ST3GAL3: variants seen among roughly 807,000 people sequenced by gnomAD.
The protein encoded by ST3GAL3 is CMP-N-acetylneuraminate-beta-1,4-galactoside alpha-2,3-sialyltransferase.
In ST3GAL3, 21 loss-of-function variants were observed where a neutral mutation model predicts 50.1. The observed-to-expected ratio is 0.42, with a 90% CI of 0.30 to 0.60. The LOEUF (loss-of-function observed/expected upper bound fraction) is 0.60. Ranked by LOEUF, ST3GAL3 falls within the 20% of genes least tolerant of loss-of-function variation. The pLI is 0.19. For missense variants in ST3GAL3, 353 were observed against 489.4 expected (o/e 0.72, Z 2.63); for synonymous variants, 183 against 190.0 (o/e 0.96, Z 0.30).
intron 3 of ST3GAL3, among the ~76,000 whole-genome samples, chr1:43,804,224 TC>T (rs1274852435): frequency 6.6e-6 from 1 of 152,186 alleles, no homozygotes; most frequent in African/African-American, 2.4e-5. Flanking sequence ...CACATGCAAC[TC>T]TAAGAACACA....
rs111846634 is a variant in ST3GAL3 at position 43,751,310 on chromosome 1, G to A, written c.118+14930G>A. Among the ~76,000 whole-genome samples the A allele has an allele frequency of 4.1e-3, 626 of 152,224 alleles. 9 individuals are homozygous for A. The highest frequency in any genetic ancestry group is 0.014 in the African/African-American group (581 of 41,528). ...TTTTATATAATATAAGTGGGTTCCT[G>A]GAAGGCAATATAATAGTGTGTATTC... On this transcript the variant is annotated intron_variant, in intron 2 of 11. Transcript: ENST00000347631.
intron 2 of ST3GAL3, among the ~76,000 whole-genome samples, chr1:43,748,296 A>G (rs1008902361): frequency 1.3e-5 from 2 of 152,170 alleles, no homozygotes; most frequent in African/African-American, 4.8e-5. Flanking sequence ...AGACCTCTAC[A>G]CTGAAAACTA....
intron 5 of ST3GAL3, among the ~76,000 whole-genome samples, chr1:43,880,542 T>C (rs559640697): frequency 6.6e-6 from 1 of 152,022 alleles, no homozygotes; most frequent in Non-Finnish European, 1.5e-5. Context: ...CTCTCTCCGC[T>C]TGTCTCCTTT....
At chr1:43,907,023 T>C (rs941540526) in intron 9 of ST3GAL3, among the ~76,000 whole-genome samples, 1 of 152,164 alleles carries the variant, frequency 6.6e-6, no homozygotes, top group Admixed American at 6.5e-5. Flanking sequence ...TCAGCTCCTA[T>C]CTGCCATGGT....
chr1:43,729,552 T>TG (rs1289859227), intron 1 of ST3GAL3, among the ~76,000 whole-genome samples: 8 of 152,356 alleles, frequency 5.3e-5, no homozygotes, highest in African/African-American at 1.9e-4. Context: ...AATCACCTGT[T>TG]GCCACAACCT....
At chr1:43,777,799 C>G (rs1314391084) in intron 2 of ST3GAL3, among the ~76,000 whole-genome samples, 1 of 152,124 alleles carries the variant, frequency 6.6e-6, no homozygotes, top group Non-Finnish European at 1.5e-5. Flanking sequence ...ACAAAATAAA[C>G]TATCATCAGA....
At chr1:43,871,581 T>G (rs1327194753) in intron 5 of ST3GAL3, among the ~76,000 whole-genome samples, 3 of 57,568 alleles carry the variant, frequency 5.2e-5, no homozygotes, top group Admixed American at 4.4e-4. Context: ...GAGGATGGGG[T>G]GTGAGGGAGA....
chr1:43,840,364 A>G (rs755060829), intron 5 of ST3GAL3: 2 of 152,076 alleles, frequency 1.3e-5, no homozygotes, highest in Non-Finnish European at 2.9e-5. Flanking sequence ...GGCAGGGACA[A>G]ATATTCAAAC....
chr1:43,788,762 T>C (rs1388787779), intron 2 of ST3GAL3, among the ~76,000 whole-genome samples: 1 of 152,218 alleles, frequency 6.6e-6, no homozygotes. Flanking sequence ...GTCTTTGTCT[T>C]CAGGGAACTT....
intron 5 of ST3GAL3, chr1:43,851,081 C>A: frequency 1.1e-6 from 1 of 895,136 alleles, no homozygotes; most frequent in South Asian, 1.3e-5. Flanking sequence ...ACCCCATTCT[C>A]ATCTGCAGTT....
Position 43,903,001 on chromosome 1 carries a change from AG to A in ST3GAL3, c.744+3276del, listed in dbSNP as rs1441043494. Among the ~76,000 whole-genome samples, 5 of 152,318 alleles carry A rather than the reference AG, an allele frequency of 3.3e-5. No individual in the cohort carries two copies. In the East Asian group the frequency reaches 9.6e-4, roughly 29 times the overall value. ...GGAAGGCCTAATGCAGCTCTGGGGC[AG>A]GTGGGGGACAAAAGAAGGCCTCTTG... On this transcript the variant is annotated intron_variant, in intron 9 of 11. Transcript: ENST00000347631.
At chr1:43,723,910 C>T (rs1671710229) in intron 1 of ST3GAL3, among the ~76,000 whole-genome samples, 1 of 152,058 alleles carries the variant, frequency 6.6e-6, no homozygotes, top group African/African-American at 2.4e-5. Context: ...CTGTGTCCAG[C>T]CTCAGGTATT....
chr1:43,879,573 A>G (rs2074741164), intron 5 of ST3GAL3: 1 of 365,442 alleles, frequency 2.7e-6, no homozygotes, highest in African/African-American at 2.1e-5. Context: ...GAATTGGATG[A>G]GAGGCAGCCA....
intron 1 of ST3GAL3, among the ~76,000 whole-genome samples, chr1:43,711,240 C>T (rs1664607533): frequency 6.6e-6 from 1 of 152,232 alleles, no homozygotes; most frequent in African/African-American, 2.4e-5. Context: ...GGAAACTCTT[C>T]ACAGTTACTC....
rs968213277 is a variant in ST3GAL3, at chr1:43,898,215, C to T, written c.398-20C>T. The T allele has an allele frequency of 2.5e-6, 4 of 1,613,416 alleles. No individual in the cohort carries two copies. Among genetic ancestry groups the T allele is most frequent in the Non-Finnish European group, 3.4e-6 (4 of 1,179,786 alleles). ...AAGGTAAGTGACCCTGTAACAGAAA[C>T]CTCTCTCCTCTGTCTGCAGACAATC... On this transcript the variant is annotated intron_variant, in intron 6 of 11. Coordinates refer to ENST00000347631, the MANE Select transcript of ST3GAL3 (RefSeq NM_006279.5).
chr1:43,802,849 A>G (rs1225208944), intron 3 of ST3GAL3, among the ~76,000 whole-genome samples: 1 of 152,228 alleles, frequency 6.6e-6, no homozygotes, highest in Non-Finnish European at 1.5e-5. Context: ...TATTCCATGC[A>G]ATAGCTTCTC....
In ST3GAL3 at chr1:43,899,318, C is replaced by G. The variant is rs374608382; in HGVS notation, c.557+55C>G. The G allele has an allele frequency of 2.5e-6, 4 of 1,613,910 alleles. No homozygotes were observed. Among genetic ancestry groups the G allele is most frequent in the African/African-American group, 1.3e-5 (1 of 75,036 alleles). On this transcript the variant is annotated intron_variant, in intron 8 of 11. Coordinates refer to ENST00000347631, the MANE Select transcript of ST3GAL3 (RefSeq NM_006279.5). This position sits in a 1 kb window ranked among gnomAD's most constrained non-coding sequence, Gnocchi z 5.4. ...AGTGTCGTGGCCCCAACCCTTAGTC[C>G]TGAGCCCATTGAGAACTGTCTGTCT...
At chr1:43,876,622 C>T (rs1403154877) in intron 5 of ST3GAL3, among the ~76,000 whole-genome samples, 1 of 152,206 alleles carries the variant, frequency 6.6e-6, no homozygotes, top group Non-Finnish European at 1.5e-5. Context: ...ATCTCCATAA[C>T]TTTACCAGGT....
intron 5 of ST3GAL3, among the ~76,000 whole-genome samples, chr1:43,854,843 A>T (rs145148341): frequency 6.6e-6 from 1 of 152,120 alleles, no homozygotes; most frequent in Admixed American, 6.5e-5. Flanking sequence ...TCTTAACCAG[A>T]TATCTAATGA....
Sources: allele counts gnomAD v4.1 joint callset (sites outside exome capture counted in the v4.1 genomes callset), GRCh38; gene constraint gnomAD v4.1.1; non-coding constraint Gnocchi (gnomAD v3.1); transcripts MANE v1.5; gene names NCBI Gene and HGNC (gene_info 2026-07-23, HGNC 2026-07-21).